The following DGKI variants were observed in gnomAD, a reference collection of about 807,000 sequenced individuals.
DGKI encodes the protein DAG kinase iota.
A neutral mutation model predicts 147.5 loss-of-function variants in DGKI; 55 were observed. The observed-to-expected ratio is 0.37, with a 90% CI of 0.30 to 0.47. The LOEUF is 0.47. Ranked by LOEUF, DGKI falls within the 20% of genes least tolerant of loss-of-function variation. The pLI is 1.00. For missense variants in DGKI, 1,007 were observed against 1,323.8 expected (o/e 0.76, Z 3.71); for synonymous variants, 469 against 477.1 (o/e 0.98, Z 0.22).
At chr7:137,435,448 G>A (rs1409680672) in intron 28 of DGKI, among the ~76,000 whole-genome samples, 2 of 152,032 alleles carry the variant, frequency 1.3e-5, no homozygotes, top group Admixed American at 6.6e-5. Context: ...CCAGAGAGAT[G>A]GTAGGAGGTG....
At chr7:137,619,728 C>T in intron 8 of DGKI, 96 bp downstream of exon 8, 1 of 888,296 alleles carries the variant, frequency 1.1e-6, no homozygotes, top group Non-Finnish European at 1.8e-6. Flanking sequence ...GAACTGAGGT[C>T]ATAGGAACCC....
chr7:137,391,175 A>G lies in DGKI; in HGVS notation c.*45T>C, dbSNP rs1210511377. ...GGAGCTGCCCAATTGCAGGGAGGGC[A>G]GATGTGATACGCTTGCTCATGTCCT... is the stretch of plus-strand genomic sequence containing the variant. On this transcript the variant is annotated 3_prime_UTR_variant, in exon 33 of 33. Coordinates refer to ENST00000614521, the MANE Select transcript of DGKI (RefSeq NM_001321708.2). 7.8e-6 allele frequency: 11 copies of G among 1,412,830 alleles called. No homozygotes were observed. The highest frequency in any genetic ancestry group is 9.0e-6 in the Non-Finnish European group (9 of 997,476). 87.5% of individuals were successfully genotyped at this position (1,412,830 alleles called of 1,614,324 possible). A position where few individuals can be genotyped will look rare whatever the true frequency, so the allele number is the denominator to read the frequency against.
chr7:137,447,697 A>G (rs895996110), intron 27 of DGKI, among the ~76,000 whole-genome samples: 1 of 152,232 alleles, frequency 6.6e-6, no homozygotes, highest in Non-Finnish European at 1.5e-5. Flanking sequence ...CATTTCATAC[A>G]TGGCGTGTGG....
intron 21 of DGKI, among the ~76,000 whole-genome samples, chr7:137,502,651 C>T (rs1172328140): frequency 1.3e-5 from 2 of 152,020 alleles, no homozygotes; most frequent in African/African-American, 4.8e-5. Context: ...TGCCACAATC[C>T]TGAGAGATGG....
chr7:137,607,644 T>C (rs1820227040), intron 10 of DGKI, among the ~76,000 whole-genome samples: 1 of 152,216 alleles, frequency 6.6e-6, no homozygotes, highest in East Asian at 1.9e-4. Flanking sequence ...GCCAAAATCA[T>C]GGAACTAATT....
At chr7:137,669,037 G>C (rs762127758) in intron 3 of DGKI, among the ~76,000 whole-genome samples, 7 of 152,126 alleles carry the variant, frequency 4.6e-5, no homozygotes, top group Non-Finnish European at 8.8e-5. Context: ...CCATTTTCCA[G>C]ATGTAAAACT....
At chr7:137,497,706 A>G (rs1257457026) in intron 21 of DGKI, among the ~76,000 whole-genome samples, 2 of 152,090 alleles carry the variant, frequency 1.3e-5, no homozygotes, top group African/African-American at 4.8e-5. Context: ...AATCGATTTA[A>G]TAAGTATCAC....
chr7:137,815,043 T>C (rs937006372), intron 1 of DGKI, among the ~76,000 whole-genome samples: 3 of 152,022 alleles, frequency 2.0e-5, no homozygotes, highest in African/African-American at 7.2e-5. Context: ...ATCAGCTCTC[T>C]TTTTTCTTCC....
chr7:137,669,021 A>T (rs887386030), intron 3 of DGKI, among the ~76,000 whole-genome samples: 1 of 152,214 alleles, frequency 6.6e-6, no homozygotes, highest in African/African-American at 2.4e-5. Flanking sequence ...AAGAAGCAGT[A>T]TAATCCCATT....
At chr7:137,669,936 ACTC>A (rs1822781973) in intron 3 of DGKI, among the ~76,000 whole-genome samples, 1 of 151,914 alleles carries the variant, frequency 6.6e-6, no homozygotes, top group Admixed American at 6.6e-5. Flanking sequence ...TTTTCCACTG[ACTC>A]CTAAGATCCT....
At chr7:137,513,951 G>A (rs377124165) in intron 21 of DGKI, 1 of 802,770 alleles carries the variant, frequency 1.2e-6, no homozygotes. Flanking sequence ...CTAGCTTGTT[G>A]CACCGTGGAG....
At chr7:137,573,701 G>A (rs1209692240) in intron 17 of DGKI, among the ~76,000 whole-genome samples, 2 of 152,190 alleles carry the variant, frequency 1.3e-5, no homozygotes, top group Non-Finnish European at 2.9e-5. Context: ...CACTGCGCCT[G>A]GCCATTCAGA....
intron 1 of DGKI, among the ~76,000 whole-genome samples, chr7:137,839,798 CTT>C (rs1374896500): frequency 6.6e-6 from 1 of 152,136 alleles, no homozygotes; most frequent in African/African-American, 2.4e-5. Context: ...AGAATTGGTT[CTT>C]TTATCAGAAC....
chr7:137,803,881 C>T (rs950508837), intron 1 of DGKI, among the ~76,000 whole-genome samples: 1 of 152,184 alleles, frequency 6.6e-6, no homozygotes, highest in Non-Finnish European at 1.5e-5. Flanking sequence ...TCCCTAACAC[C>T]CGCTCACTAT....
intron 32 of DGKI, among the ~76,000 whole-genome samples, chr7:137,393,319 A>C (rs148232267): frequency 2.6e-4 from 39 of 152,314 alleles, no homozygotes; most frequent in Middle Eastern, 3.4e-3. Flanking sequence ...AAACTTAGAA[A>C]GATAAAAAAG....
intron 2 of DGKI, among the ~76,000 whole-genome samples, chr7:137,680,333 CA>C (rs1823192772): frequency 6.6e-6 from 1 of 152,200 alleles, no homozygotes; most frequent in African/African-American, 2.4e-5. Context: ...TTTGTTATAG[CA>C]GCCTGAGCAG....
chr7:137,408,094 G>T, intron 29 of DGKI, 99 bp from the exon 30 acceptor site: 1 of 1,433,526 alleles, frequency 7.0e-7, no homozygotes, highest in South Asian at 1.3e-5. Flanking sequence ...AGACCACAAT[G>T]TTTCCAGCCT....
At chr7:137,599,145 G>A (rs1345368763) in intron 11 of DGKI, among the ~76,000 whole-genome samples, 1 of 152,068 alleles carries the variant, frequency 6.6e-6, no homozygotes, top group African/African-American at 2.4e-5. Context: ...ATTTAAAACG[G>A]AGAACCAGAG....
chr7:137,613,213 A>G (rs1172354229), intron 8 of DGKI, among the ~76,000 whole-genome samples: 1 of 152,112 alleles, frequency 6.6e-6, no homozygotes, highest in Non-Finnish European at 1.5e-5. Flanking sequence ...CTTCTTTGTC[A>G]TCCCAAATAA....
Sources: gnomAD v4.1 joint callset for allele counts (sites outside exome capture counted in the v4.1 genomes callset) on GRCh38, gnomAD v4.1.1 for gene constraint, MANE v1.5 for transcripts, NCBI Gene and HGNC (gene_info 2026-07-23, HGNC 2026-07-21) for gene names.